CAST: variants seen among roughly 807,000 people sequenced by gnomAD.
CAST encodes MIR583 host.
In CAST, 76 loss-of-function variants were observed where a neutral mutation model predicts 119.6. That is an observed-to-expected ratio of 0.64 (90% CI 0.53 to 0.77). The LOEUF is 0.77. CAST is among the 30% of genes least tolerant of loss of function. The pLI is 0.00. For synonymous variants in CAST, 319 were observed against 331.6 expected (o/e 0.96, Z 0.41); for missense variants, 953 against 946.5 (o/e 1.01, Z -0.09).
chr5:96,003,280 C>T, the CAST span, among the ~76,000 whole-genome samples: 1 of 151,100 alleles, frequency 6.6e-6, no homozygotes, highest in Non-Finnish European at 1.5e-5. Context: ...TGGCTCATGC[C>T]TGTAATCCAG....
At chr5:96,701,589 C>G (rs1176042946) in intron 3 of CAST, among the ~76,000 whole-genome samples, 2 of 151,946 alleles carry the variant, frequency 1.3e-5, no homozygotes, top group Non-Finnish European at 2.9e-5. Flanking sequence ...TGGATCACTT[C>G]AGGTCAGGAG....
chr5:96,232,767 A>T, the CAST span, among the ~76,000 whole-genome samples: 1 of 152,128 alleles, frequency 6.6e-6, no homozygotes, highest in East Asian at 1.9e-4. Context: ...TTATTTAAAG[A>T]CATAAAATAG....
chr5:96,360,358 C>T, the CAST span, among the ~76,000 whole-genome samples: 1 of 152,052 alleles, frequency 6.6e-6, no homozygotes, highest in Non-Finnish European at 1.5e-5. Flanking sequence ...ACTCATTCTC[C>T]ACCAGTTTGT....
chr5:96,577,809 A>G (rs1412958779), intron 1 of CAST, among the ~76,000 whole-genome samples: 1 of 152,082 alleles, frequency 6.6e-6, no homozygotes, highest in Non-Finnish European at 1.5e-5. Context: ...GTCTTAGTAT[A>G]TGTTCTGTGT....
upstream of CAST, among the ~76,000 whole-genome samples, chr5:96,660,259 C>T (rs1017894604): frequency 1.3e-5 from 2 of 152,156 alleles, no homozygotes; most frequent in Admixed American, 1.3e-4. Context: ...TTCCTCCTTT[C>T]CCTCCTATTG....
intron 1 of CAST, among the ~76,000 whole-genome samples, chr5:96,629,456 G>A (rs899120857): frequency 6.6e-6 from 1 of 151,568 alleles, no homozygotes; most frequent in South Asian, 2.1e-4. Context: ...CCTCCATTTT[G>A]GTTCAGTTTC....
chr5:96,618,518 G>A (rs182604050), intron 1 of CAST, among the ~76,000 whole-genome samples: 252 of 152,350 alleles, frequency 1.7e-3, no homozygotes, highest in African/African-American at 4.6e-3. Flanking sequence ...GGAGGGAGAC[G>A]CACGGGTGGG....
In CAST at chr5:96,748,610, A is replaced by C; in HGVS notation, c.1425A>C (p.Thr475=). 22 of 1,423,242 alleles carry C rather than the reference A, an allele frequency of 1.5e-5. No individual in the cohort carries two copies. The highest frequency in any genetic ancestry group is 2.1e-5 in the Non-Finnish European group (21 of 1,009,606). 88.2% of individuals were successfully genotyped at this position (1,423,242 alleles called of 1,614,324 possible). A position where few individuals can be genotyped will look rare whatever the true frequency, so the allele number is the denominator to read the frequency against. The change falls in exon 19 of 32, where the codon ACA becomes ACC. Residue 475 remains threonine, a synonymous_variant. Coordinates refer to ENST00000675179, the MANE Select transcript of CAST (RefSeq NM_001750.7). ...KEKPSKPTEK[T]EESKAAAPAP... is the part of the protein sequence containing the mutation. ...AACCATCTAAGCCAACTGAAAAGAC[A>C]GAAGTATGTTTCTAAACATATAAAT... is the stretch of plus-strand genomic sequence containing the variant.
chr5:96,702,502 T>C (rs1754038155), intron 3 of CAST, among the ~76,000 whole-genome samples: 1 of 152,186 alleles, frequency 6.6e-6, no homozygotes, highest in Admixed American at 6.5e-5. Flanking sequence ...TCAAAAGAGG[T>C]CTTCGGGGGA....
intron 1 of CAST, chr5:96,663,306 T>C (rs1171362317): frequency 1.5e-6 from 1 of 687,638 alleles, no homozygotes; most frequent in African/African-American, 1.8e-5. Context: ...GGGTGCGACC[T>C]CCTCGCAGAC....
chr5:96,061,504 A>G, the CAST span, among the ~76,000 whole-genome samples: 9 of 152,116 alleles, frequency 5.9e-5, no homozygotes, highest in Non-Finnish European at 8.8e-5. Context: ...GAGAAGAAAA[A>G]AGGCCTGAAC....
the CAST span, among the ~76,000 whole-genome samples, chr5:96,462,158 C>T: frequency 5.0e-4 from 76 of 152,172 alleles, 1 homozygote; most frequent in African/African-American, 1.8e-3. Flanking sequence ...CCATAGTCTT[C>T]ATTTACTTAC....
chr5:96,757,806 C>T (rs996728796), intron 24 of CAST, 152 bp downstream of exon 24: 15 of 619,338 alleles, frequency 2.4e-5, no homozygotes, highest in East Asian at 5.5e-5. Context: ...TTCTCCTGCC[C>T]CAGCCTCCTG....
At chr5:96,674,750 G>A (rs1455226265) in intron 1 of CAST, among the ~76,000 whole-genome samples, 2 of 152,174 alleles carry the variant, frequency 1.3e-5, no homozygotes, top group African/African-American at 4.8e-5. Context: ...CTATTGCACA[G>A]TAGGGTGACT....
chr5:96,338,552 C>T, the CAST span, among the ~76,000 whole-genome samples: 4 of 152,308 alleles, frequency 2.6e-5, no homozygotes, highest in South Asian at 8.3e-4. Context: ...GATCACATCA[C>T]TTCTCCCCCC....
chr5:96,266,662 G>C, the CAST span, among the ~76,000 whole-genome samples: 1 of 152,062 alleles, frequency 6.6e-6, no homozygotes, highest in African/African-American at 2.4e-5. Flanking sequence ...ATAATCAACA[G>C]GTAAATTACA....
intron 3 of CAST, among the ~76,000 whole-genome samples, chr5:96,707,328 A>G (rs185955560): frequency 5.5e-4 from 83 of 151,752 alleles, no homozygotes; most frequent in African/African-American, 1.9e-3. Flanking sequence ...TGAGGAAGAT[A>G]TTTTATATGT....
the CAST span, among the ~76,000 whole-genome samples, chr5:96,181,309 T>A: frequency 6.6e-6 from 1 of 152,220 alleles, no homozygotes. Context: ...ACTGCAATCT[T>A]CCTTCCCGGG....
chr5:96,148,570 A>C, the CAST span, among the ~76,000 whole-genome samples: 8 of 152,336 alleles, frequency 5.3e-5, no homozygotes, highest in East Asian at 1.5e-3. Flanking sequence ...GCCTAGCCCA[A>C]CACGTTCTGG....
Sources: gnomAD v4.1 joint callset for allele counts (sites outside exome capture counted in the v4.1 genomes callset) on GRCh38, gnomAD v4.1.1 for gene constraint, MANE v1.5 for transcripts, NCBI Gene and HGNC (gene_info 2026-07-23, HGNC 2026-07-21) for gene names.